Variants in AUTS2 observed in about 807,000 individuals in gnomAD.
The protein encoded by AUTS2 is activator of transcription and developmental regulator AUTS2.
Under a neutral mutation model 112.4 loss-of-function variants are expected in AUTS2, and 17 were observed. The ratio of observed to expected loss-of-function variants is 0.15; its 90% confidence interval spans 0.10 to 0.23. The LOEUF is 0.23. Ranked by LOEUF, AUTS2 falls within the 10% of genes least tolerant of loss-of-function variation. The pLI is 1.00. For synonymous variants in AUTS2, 751 were observed against 702.7 expected, an observed-to-expected ratio of 1.07 and a Z score of -1.09; for missense variants, 1,510 against 1,701.6, an observed-to-expected ratio of 0.89 and a Z score of 1.98.
At position 69,913,373 on chromosome 7, in the gene AUTS2, T is replaced by G. The variant is rs1029770111; in HGVS notation, c.522+13875T>G. 2.6e-5 allele frequency among the ~76,000 whole-genome samples: 4 copies of G among 152,214 alleles called. No homozygotes were observed. In the East Asian group the frequency reaches 5.8e-4, roughly 22 times the overall value. ...ACCATTAATAATTACCTTGGAACAA[T>G]AAGCATTAATCAGGACTTCCTGAAA... On this transcript the variant is annotated intron_variant, in intron 2 of 18. Coordinates refer to ENST00000342771, the MANE Select transcript of AUTS2 (RefSeq NM_015570.4).
At position 70,204,826 on chromosome 7, in the gene AUTS2, C is replaced by T. The variant is rs79375455; in HGVS notation, c.660+70255C>T. 2.9e-3 allele frequency among the ~76,000 whole-genome samples: 447 copies of T among 152,224 alleles called. 5 individuals are homozygous for T. Among genetic ancestry groups the T allele is most frequent in the African/African-American group, 0.01 (429 of 41,540 alleles). ...GGTCTAGGGGAATAAAACATCCACA[C>T]GTCCAAACCATAGTAATTCTGTTTC... is the stretch of plus-strand genomic sequence containing the variant. On this transcript the variant is annotated intron_variant, in intron 4 of 18. Coordinates refer to ENST00000342771, the MANE Select transcript of AUTS2 (RefSeq NM_015570.4).
chr7:70,174,365 A>G lies in AUTS2; in HGVS notation c.660+39794A>G, dbSNP rs186762268. On this transcript the variant is annotated intron_variant, in intron 4 of 18. Coordinates refer to ENST00000342771, the MANE Select transcript of AUTS2 (RefSeq NM_015570.4). Reference sequence around the variant, plus strand: ...AGTGTGGTTTAAGAGGTTTAAGGAAAGGAACTATCTCTAGAACAGAAAACT... The same window carrying G: ...AGTGTGGTTTAAGAGGTTTAAGGAAGGGAACTATCTCTAGAACAGAAAACT... Among the ~76,000 whole-genome samples, 15 of 152,350 alleles carry G rather than the reference A, an allele frequency of 9.8e-5. No homozygotes were observed. In the East Asian group the frequency reaches 2.7e-3, roughly 27 times the overall value.
rs1201346636 is a variant in AUTS2, at chr7:69,599,935, C to T, written c.282C>T (p.Thr94=). The stretch of plus-strand genomic sequence containing the variant: ...ACATCATTGATGGATTTGCCATGAC[C>T]AGCTTTGTCACTTTTGAAGCGCTGG... ...EEDIIDGFAM[T]SFVTFEALEK... Residue 94 remains threonine (T), a synonymous_variant, in exon 1 of 19, where the codon ACC becomes ACT. Coordinates refer to ENST00000342771, the MANE Select transcript of AUTS2 (RefSeq NM_015570.4). This position sits in a 1 kb window ranked among gnomAD's most constrained non-coding sequence, Gnocchi z 7.0. The T allele has an allele frequency of 1.6e-5, 26 of 1,613,508 alleles. No individual in the cohort carries two copies. The highest frequency in any genetic ancestry group is 2.2e-5 in the East Asian group (1 of 44,864).
chr7:70,429,469 T>C, intron 4 of AUTS2, among the ~76,000 whole-genome samples: 1 of 152,172 alleles, frequency 6.6e-6, no homozygotes, highest in African/African-American at 2.4e-5. Context: ...GGTAGAAACT[T>C]GGAGGAATAG....
intron 2 of AUTS2, among the ~76,000 whole-genome samples, chr7:69,921,016 A>C (rs1795787651): frequency 6.6e-6 from 1 of 152,070 alleles, no homozygotes; most frequent in Admixed American, 6.6e-5. Context: ...TTTTCTTGGG[A>C]GGGTTTCCTT....
intron 4 of AUTS2, among the ~76,000 whole-genome samples, chr7:70,368,087 A>C (rs985505704): frequency 6.6e-6 from 1 of 152,194 alleles, no homozygotes; most frequent in African/African-American, 2.4e-5. Flanking sequence ...GTTTGGAATC[A>C]CACTCGTGGA....
At chr7:69,823,513 C>G (rs894205459) in intron 1 of AUTS2, among the ~76,000 whole-genome samples, 1 of 152,190 alleles carries the variant, frequency 6.6e-6, no homozygotes, top group African/African-American at 2.4e-5. Context: ...CAGCATTGGA[C>G]ACATTGGTAG....
intron 4 of AUTS2, among the ~76,000 whole-genome samples, chr7:70,398,333 A>G (rs948492307): frequency 6.6e-6 from 1 of 152,190 alleles, no homozygotes; most frequent in Non-Finnish European, 1.5e-5. Flanking sequence ...TCTATAGCTC[A>G]CTCTGAGGAG....
chr7:70,610,792 T>C (rs999144876), intron 5 of AUTS2, among the ~76,000 whole-genome samples: 4 of 152,208 alleles, frequency 2.6e-5, no homozygotes, highest in African/African-American at 9.6e-5. Context: ...GTTCTTCTTT[T>C]GAAAAATGCC....
chr7:70,514,367 A>G (rs1443044863), intron 5 of AUTS2, among the ~76,000 whole-genome samples: 1 of 152,204 alleles, frequency 6.6e-6, no homozygotes, highest in Non-Finnish European at 1.5e-5. Flanking sequence ...TTATGGTTCT[A>G]CTGGCTGTAC....
intron 5 of AUTS2, among the ~76,000 whole-genome samples, chr7:70,503,146 G>A (rs931357340): frequency 2.0e-5 from 3 of 151,964 alleles, no homozygotes; most frequent in Non-Finnish European, 2.9e-5. Context: ...GCAGCTAGTC[G>A]GTTATTTCAC....
intron 5 of AUTS2, among the ~76,000 whole-genome samples, chr7:70,670,511 C>G (rs1240143303): frequency 3.9e-5 from 6 of 152,170 alleles, no homozygotes; most frequent in Non-Finnish European, 7.3e-5. Context: ...GAGCAGAGTA[C>G]TTGGTTCCGG....
At chr7:70,409,160 T>C (rs1285855374) in intron 4 of AUTS2, among the ~76,000 whole-genome samples, 1 of 152,216 alleles carries the variant, frequency 6.6e-6, no homozygotes, top group African/African-American at 2.4e-5. Context: ...AAAATGTCTA[T>C]AGTCTGGAAA....
At chr7:70,124,553 G>C (rs1044399767) in intron 3 of AUTS2, among the ~76,000 whole-genome samples, 2 of 151,600 alleles carry the variant, frequency 1.3e-5, no homozygotes, top group African/African-American at 2.4e-5. Flanking sequence ...AAGGGGTCCA[G>C]CTTCAATCTT....
chr7:70,667,531 A>G (rs527296417), intron 5 of AUTS2, among the ~76,000 whole-genome samples: 2 of 152,336 alleles, frequency 1.3e-5, no homozygotes, highest in South Asian at 4.1e-4. Flanking sequence ...AGAAAATCCA[A>G]GTAAGCTTCA....
chr7:70,091,852 G>C (rs1297094340), intron 2 of AUTS2, among the ~76,000 whole-genome samples: 1 of 152,148 alleles, frequency 6.6e-6, no homozygotes, highest in African/African-American at 2.4e-5. Flanking sequence ...ATAAAATTTA[G>C]TGCTAAGATG....
intron 6 of AUTS2, among the ~76,000 whole-genome samples, chr7:70,713,617 G>A (rs1296240492): frequency 3.9e-5 from 6 of 152,274 alleles, no homozygotes; most frequent in Non-Finnish European, 5.9e-5. Context: ...CTTGCCGGCC[G>A]GGCGTGGTGG....
chr7:70,264,023 C>T (rs1279164162), intron 4 of AUTS2, among the ~76,000 whole-genome samples: 2 of 152,126 alleles, frequency 1.3e-5, no homozygotes, highest in Admixed American at 6.5e-5. Context: ...AATAAAGACA[C>T]GTTTACTTGC....
chr7:70,646,513 A>T (rs1447741879), intron 5 of AUTS2, among the ~76,000 whole-genome samples: 1 of 152,190 alleles, frequency 6.6e-6, no homozygotes, highest in Non-Finnish European at 1.5e-5. Flanking sequence ...TTGCAACAAA[A>T]ACACCCTGGC....
Sources: allele counts gnomAD v4.1 joint callset (sites outside exome capture counted in the v4.1 genomes callset), GRCh38; gene constraint gnomAD v4.1.1; non-coding constraint Gnocchi (gnomAD v3.1); transcripts MANE v1.5; gene names NCBI Gene and HGNC (gene_info 2026-07-23, HGNC 2026-07-21).